The following MAP3K9 variants were observed in gnomAD, a reference collection of about 807,000 sequenced individuals.
The protein encoded by MAP3K9 is mixed lineage kinase 1 (tyr and ser/thr specificity).
Under a neutral mutation model 95.8 loss-of-function variants are expected in MAP3K9, and 46 were observed. The ratio of observed to expected loss-of-function variants is 0.48; its 90% CI spans 0.38 to 0.61. The LOEUF (loss-of-function observed/expected upper bound fraction) is 0.61, where lower values mean the gene tolerates loss of function less well. Among genes scored for constraint, MAP3K9 ranks in the 20% least tolerant of loss-of-function variants. The pLI is 0.00. For synonymous variants in MAP3K9, 533 were observed against 593.8 expected, an observed-to-expected ratio of 0.90 and a Z score of 1.49; for missense variants, 1,296 against 1,474.3, an observed-to-expected ratio of 0.88 and a Z score of 1.98.
chr14:70,804,734 G>T (rs1220127922), intron 1 of MAP3K9, among the ~76,000 whole-genome samples: 1 of 152,178 alleles, frequency 6.6e-6, no homozygotes, highest in African/African-American at 2.4e-5. Flanking sequence ...GTACTAGGGT[G>T]CTGAAAGGAC....
chr14:70,784,306 TAAATA>T (rs778816503), intron 2 of MAP3K9, among the ~76,000 whole-genome samples: 1 of 151,222 alleles, frequency 6.6e-6, no homozygotes, highest in African/African-American at 2.4e-5. Flanking sequence ...AATACTAAAA[TAAATA>T]AAATAAAATA....
chr14:70,785,030 C>T (rs1349957644), intron 2 of MAP3K9, among the ~76,000 whole-genome samples: 2 of 152,150 alleles, frequency 1.3e-5, no homozygotes, highest in African/African-American at 4.8e-5. Flanking sequence ...AGAGAAGGAT[C>T]TCCTATTGCA....
chr14:70,743,862 C>A lies in MAP3K9; in HGVS notation c.1327-1271G>T, dbSNP rs147235685. On this transcript the variant is annotated intron_variant, in intron 5 of 11. Coordinates refer to ENST00000554752, the MANE Select transcript of MAP3K9 (RefSeq NM_001284230.2). ...CAGCAATCCCATTACTGGGTATATA[C>A]CCAAAGGATTATAAATCATTCTACT... is the stretch of plus-strand genomic sequence containing the variant. 2.8e-3 allele frequency among the ~76,000 whole-genome samples: 419 copies of A among 152,272 alleles called. 1 individual carries two copies. The highest frequency in any genetic ancestry group is 9.7e-3 in the African/African-American group (402 of 41,544).
At chr14:70,742,253 T>A (rs554205577) in intron 6 of MAP3K9, 98 bp downstream of exon 6, 27 of 1,471,392 alleles carry the variant, frequency 1.8e-5, no homozygotes, top group Non-Finnish European at 2.5e-5. Context: ...AGCCCCAGGG[T>A]GTCATGTTTC....
intron 6 of MAP3K9, among the ~76,000 whole-genome samples, chr14:70,740,376 T>C (rs927252162): frequency 6.6e-6 from 1 of 152,202 alleles, no homozygotes; most frequent in Non-Finnish European, 1.5e-5. Flanking sequence ...AAATTCACTG[T>C]GCAAGTGAAC....
At chr14:70,785,992 T>C (rs2054740858) in intron 2 of MAP3K9, among the ~76,000 whole-genome samples, 1 of 152,096 alleles carries the variant, frequency 6.6e-6, no homozygotes, top group Non-Finnish European at 1.5e-5. Flanking sequence ...CTAGGACTAT[T>C]TGGGGGATGA....
At chr14:70,750,228 A>T (rs747511365) in intron 3 of MAP3K9, 147 bp from the exon 4 acceptor site, 105 of 836,010 alleles carry the variant, frequency 1.3e-4, no homozygotes, top group Non-Finnish European at 1.5e-5. Context: ...TATAAAAGGG[A>T]AACCATAAAG....
chr14:70,797,823 G>C (rs1441211739), intron 2 of MAP3K9, among the ~76,000 whole-genome samples: 1 of 152,128 alleles, frequency 6.6e-6, no homozygotes, highest in African/African-American at 2.4e-5. Context: ...GCTCATATTA[G>C]ACGTATACAA....
intron 1 of MAP3K9, among the ~76,000 whole-genome samples, chr14:70,808,467 G>A (rs1420968271): frequency 6.6e-6 from 1 of 152,110 alleles, no homozygotes; most frequent in Non-Finnish European, 1.5e-5. Flanking sequence ...AAGGGACTGG[G>A]AAACTGGCAA....
At chr14:70,780,114 T>G (rs974939614) in intron 2 of MAP3K9, among the ~76,000 whole-genome samples, 4 of 152,218 alleles carry the variant, frequency 2.6e-5, no homozygotes, top group African/African-American at 9.7e-5. Flanking sequence ...AATGTGCATA[T>G]GTGTTCTGGG....
intron 10 of MAP3K9, among the ~76,000 whole-genome samples, chr14:70,734,045 G>A (rs893734032): frequency 1.3e-5 from 2 of 152,186 alleles, no homozygotes; most frequent in Non-Finnish European, 2.9e-5. Flanking sequence ...CCACTCTACT[G>A]TCTTCCCTGG....
In MAP3K9 at chr14:70,800,860, T is replaced by C. The variant is rs2054921177; in HGVS notation, c.627A>G (p.Val209=). 2 of 1,614,158 alleles carry C rather than the reference T, an allele frequency of 1.2e-6. No homozygotes were observed. Among genetic ancestry groups the C allele is most frequent in the African/African-American group, 1.3e-5 (1 of 75,044 alleles). ...AGCAGAGGTTGGGCTCCTTCAGACA[T>C]ACCCCTCTTAGGGCAATGATGTTGG... is the stretch of plus-strand genomic sequence containing the variant. ...KHPNIIALRG[V]CLKEPNLCLV... is the part of the protein sequence containing the mutation. The change falls in exon 2 of 12, where the codon GTA becomes GTG. Residue 209 remains valine (V), a synonymous_variant. Coordinates refer to ENST00000554752, the MANE Select transcript of MAP3K9 (RefSeq NM_001284230.2).
At chr14:70,793,463 G>A (rs1266141558) in intron 2 of MAP3K9, among the ~76,000 whole-genome samples, 5 of 152,152 alleles carry the variant, frequency 3.3e-5, no homozygotes, top group African/African-American at 1.2e-4. Context: ...AAAGCAGGTG[G>A]ATTGCTTGAG....
intron 2 of MAP3K9, chr14:70,783,148 C>A: frequency 2.4e-6 from 1 of 413,230 alleles, no homozygotes; most frequent in Non-Finnish European, 3.3e-6. Flanking sequence ...CATCAAAATG[C>A]TTGTAAGAAA....
chr14:70,797,826 G>A (rs562796357), intron 2 of MAP3K9, among the ~76,000 whole-genome samples: 3 of 152,200 alleles, frequency 2.0e-5, no homozygotes, highest in South Asian at 2.1e-4. Context: ...CATATTAGAC[G>A]TATACAATCC....
chr14:70,793,955 T>C lies in MAP3K9; in HGVS notation c.820+6712A>G, dbSNP rs958477604. Reference sequence around the variant, plus strand: ...CCATTAGACCAGGGGTTCTAGTCTCTTGTCACTCCAATATTCTTCTACGAA... The same window carrying C: ...CCATTAGACCAGGGGTTCTAGTCTCCTGTCACTCCAATATTCTTCTACGAA... On this transcript the variant is annotated intron_variant, in intron 2 of 11. Coordinates refer to ENST00000554752, the MANE Select transcript of MAP3K9 (RefSeq NM_001284230.2). 9.2e-5 allele frequency among the ~76,000 whole-genome samples: 14 copies of C among 152,206 alleles called. 1 individual carries two copies. Among genetic ancestry groups the C allele is most frequent in the African/African-American group, 3.1e-4 (13 of 41,450 alleles).
chr14:70,798,451 TTGA>T (rs1478619602), intron 2 of MAP3K9, among the ~76,000 whole-genome samples: 1 of 150,360 alleles, frequency 6.7e-6, no homozygotes, highest in Non-Finnish European at 1.5e-5. Context: ...AGAAATTACT[TTGA>T]AAAGAGGTCA....
Position 70,809,476 on chromosome 14 carries a change from G to T in MAP3K9, c.-305C>A. 1 of 200,864 alleles carries T rather than the reference G, an allele frequency of 5.0e-6. No homozygotes were observed. The highest frequency in any genetic ancestry group is 1.0e-5 in the Non-Finnish European group (1 of 100,298). The allele number at this position is 200,864 out of a possible 1,614,324, so 12.4% of individuals were successfully genotyped here. A position where few individuals can be genotyped will look rare whatever the true frequency, so the allele number is the denominator to read the frequency against. On this transcript the variant is annotated 5_prime_UTR_variant, in exon 1 of 12. Transcript: ENST00000554752. Reference sequence around the variant, plus strand: ...GCCGGTACCTGCTCGCGCAGCCGGTGCCCGCCGCTGCCAGCCGGCCGCCGC... The same window carrying T: ...GCCGGTACCTGCTCGCGCAGCCGGTTCCCGCCGCTGCCAGCCGGCCGCCGC...
chr14:70,747,369 T>C (rs2054161976), intron 5 of MAP3K9, among the ~76,000 whole-genome samples: 2 of 152,270 alleles, frequency 1.3e-5, no homozygotes, highest in South Asian at 2.1e-4. Flanking sequence ...ACTTATTTCT[T>C]CTTCCTGCCA....
Sources: gnomAD v4.1 joint callset for allele counts (sites outside exome capture counted in the v4.1 genomes callset) on GRCh38, gnomAD v4.1.1 for gene constraint, MANE v1.5 for transcripts, NCBI Gene and HGNC (gene_info 2026-07-23, HGNC 2026-07-21) for gene names.